TEX11: variants seen among roughly 807,000 people sequenced by gnomAD.
TEX11 encodes testis expressed 11.
TEX11 carries 7 observed loss-of-function variants against 84.4 expected under a neutral mutation model. The observed-to-expected ratio is 0.08, with a 90% CI of 0.05 to 0.16. The LOEUF (loss-of-function observed/expected upper bound fraction) is 0.16. Among genes scored for constraint, TEX11 ranks in the 10% least tolerant of loss-of-function variants. The pLI, the probability that TEX11 is intolerant of heterozygous loss-of-function variation, is 1.00. For missense variants in TEX11, 551 were observed against 660.5 expected, an observed-to-expected ratio of 0.83 and a Z score of 1.82; for synonymous variants, 264 against 222.8, an observed-to-expected ratio of 1.18 and a Z score of -1.64.
intron 28 of TEX11, among the ~76,000 whole-genome samples, chrX:70,536,325 G>C (rs993105168): frequency 3.6e-5 from 4 of 110,909 alleles, no homozygotes; most frequent in African/African-American, 1.3e-4. Context: ...CTGGCCTCAA[G>C]CGATACTCCT....
At chrX:70,601,862 C>T (rs1478795909) in intron 24 of TEX11, among the ~76,000 whole-genome samples, 2 of 108,357 alleles carry the variant, frequency 1.8e-5, no homozygotes, top group African/African-American at 6.7e-5. Context: ...GATAAGGTCA[C>T]AGATCAACAG....
intron 9 of TEX11, among the ~76,000 whole-genome samples, chrX:70,771,586 T>C (rs1287959399): frequency 3.6e-5 from 4 of 112,290 alleles, no homozygotes; most frequent in Non-Finnish European, 7.5e-5. Flanking sequence ...ATTTCAATGA[T>C]TCTGTTTTTG....
At chrX:70,607,214 G>A (rs1275472405) in intron 22 of TEX11, among the ~76,000 whole-genome samples, 185 bp from the exon 23 acceptor site, 3 of 111,373 alleles carry the variant, frequency 2.7e-5, no homozygotes, top group South Asian at 7.6e-4. Flanking sequence ...AGAGACCCTC[G>A]TCAATTCCAA....
At chrX:70,620,968 C>T (rs1320302712) in intron 20 of TEX11, among the ~76,000 whole-genome samples, 1 of 111,549 alleles carries the variant, frequency 9.0e-6, no homozygotes, top group Non-Finnish European at 1.9e-5. Context: ...TGAAAATACT[C>T]TGTATGATAT....
At chrX:70,875,326 T>C (rs1366539928) in intron 3 of TEX11, among the ~76,000 whole-genome samples, 5 of 111,188 alleles carry the variant, frequency 4.5e-5, no homozygotes, top group Admixed American at 3.8e-4. Context: ...GTTCTTCATA[T>C]CATTATTTAT....
rs60520158 is a variant in TEX11, at chrX:70,743,871, AACACAC to A, written c.747+288_747+293del. On this transcript the variant is annotated intron_variant, in intron 10 of 29. Transcript: ENST00000374333. ...GCAACAGAGCGAGACTCTATCTCAAAACACACACACACACACACACACACACACACA... is the reference window on the plus strand; with the variant it reads ...GCAACAGAGCGAGACTCTATCTCAAAACACACACACACACACACACACACA... 7.4e-3 allele frequency among the ~76,000 whole-genome samples: 646 copies of A among 87,719 alleles called. 2 individuals are homozygous for A. Among genetic ancestry groups the A allele is most frequent in the African/African-American group, 0.022 (547 of 24,358 alleles). 76.2% of individuals were successfully genotyped at this position (87,719 alleles called of 115,157 possible).
chrX:70,788,563 C>A (rs768468186), intron 9 of TEX11, among the ~76,000 whole-genome samples: 239 of 109,476 alleles, frequency 2.2e-3, no homozygotes, highest in African/African-American at 6.1e-3. Flanking sequence ...ACAAAAAAAA[C>A]CAATACTTCC....
chrX:70,770,888 A>G (rs1415960190), intron 9 of TEX11, among the ~76,000 whole-genome samples: 1 of 111,018 alleles, frequency 9.0e-6, no homozygotes, highest in African/African-American at 3.3e-5. Flanking sequence ...AAACTCAGAG[A>G]TATTCCGTCA....
At chrX:70,630,821 T>C (rs1165795197) in intron 17 of TEX11, among the ~76,000 whole-genome samples, 2 of 111,724 alleles carry the variant, frequency 1.8e-5, no homozygotes, top group African/African-American at 6.5e-5. Flanking sequence ...AAGAAGAGGA[T>C]GGGATAATAT....
At chrX:70,893,165 A>G (rs1180168559) in intron 2 of TEX11, among the ~76,000 whole-genome samples, 1 of 111,249 alleles carries the variant, frequency 9.0e-6, no homozygotes, top group Non-Finnish European at 1.9e-5. Flanking sequence ...TAACAAGGAT[A>G]TTCAGGACTT....
chrX:70,600,590 A>G (rs1425949505), intron 24 of TEX11, among the ~76,000 whole-genome samples: 45 of 107,229 alleles, frequency 4.2e-4, no homozygotes, highest in African/African-American at 1.4e-3. Flanking sequence ...CACCACACCT[A>G]TTCCAAAATT....
the TEX11 span, among the ~76,000 whole-genome samples, chrX:70,522,563 T>C: frequency 9.0e-6 from 1 of 111,580 alleles, no homozygotes; most frequent in Admixed American, 9.5e-5. Context: ...GATGGAGTTT[T>C]GCTCCTGTTG....
chrX:70,882,019 C>A (rs1156269797), intron 2 of TEX11, among the ~76,000 whole-genome samples: 25 of 86,537 alleles, frequency 2.9e-4, no homozygotes, highest in African/African-American at 1.1e-3. Context: ...CAGAACAAGA[C>A]TCCATCTCAA....
intron 5 of TEX11, among the ~76,000 whole-genome samples, chrX:70,856,149 C>T (rs751029834): frequency 9.0e-6 from 1 of 111,339 alleles, no homozygotes; most frequent in Non-Finnish European, 1.9e-5. Flanking sequence ...GCTGGTTGAA[C>T]ATAATAAGGT....
intron 2 of TEX11, among the ~76,000 whole-genome samples, chrX:70,902,760 G>A (rs1489506765): frequency 2.7e-5 from 3 of 110,786 alleles, no homozygotes; most frequent in African/African-American, 9.8e-5. Flanking sequence ...GGCCAGTCTC[G>A]AACTCCTGAG....
At chrX:70,722,847 GT>G (rs1490673093) in intron 12 of TEX11, 151 bp from the exon 13 acceptor site, 1 of 458,029 alleles carries the variant, frequency 2.2e-6, no homozygotes, top group Non-Finnish European at 3.7e-6. Context: ...TTCTTTTAAA[GT>G]ATTAACATCC....
At chrX:70,666,867 C>A (rs2089980203) in intron 16 of TEX11, among the ~76,000 whole-genome samples, 1 of 111,430 alleles carries the variant, frequency 9.0e-6, no homozygotes, top group Admixed American at 9.6e-5. Flanking sequence ...TAAAAACAAT[C>A]TTCTCAGTGA....
At chrX:70,545,542 C>T (rs2088111656) in intron 28 of TEX11, among the ~76,000 whole-genome samples, 1 of 111,627 alleles carries the variant, frequency 9.0e-6, no homozygotes, top group Non-Finnish European at 1.9e-5. Context: ...TCTGGAATAT[C>T]TCCTGAAGGA....
chrX:70,526,210 G>T (rs182479724), downstream of TEX11, among the ~76,000 whole-genome samples: 36 of 111,822 alleles, frequency 3.2e-4, no homozygotes, highest in African/African-American at 1.1e-3. Flanking sequence ...TCTCAATGTT[G>T]AAAGAGTTAC....
Sources: gnomAD v4.1 joint callset for allele counts (sites outside exome capture counted in the v4.1 genomes callset) on GRCh38, gnomAD v4.1.1 for gene constraint, MANE v1.5 for transcripts, NCBI Gene and HGNC (gene_info 2026-07-23, HGNC 2026-07-21) for gene names.